The following CDK14 variants were observed in gnomAD, a reference collection of about 807,000 sequenced individuals.
The protein encoded by CDK14 is cyclin dependent kinase 14, also known as cyclin-dependent kinase 14.
In CDK14, 34 loss-of-function variants were observed where a neutral mutation model predicts 60.7. The observed-to-expected ratio is 0.56, with a 90% CI of 0.43 to 0.75. CDK14 has a LOEUF of 0.75. Among genes scored for constraint, CDK14 ranks in the 30% least tolerant of loss-of-function variants. The pLI is 0.00. For synonymous variants in CDK14, 197 were observed against 203.7 expected (o/e 0.97, Z 0.28); for missense variants, 482 against 564.1 (o/e 0.85, Z 1.47).
chr7:90,831,700 T>C (rs376245090), intron 5 of CDK14, among the ~76,000 whole-genome samples: 18 of 139,786 alleles, frequency 1.3e-4, no homozygotes, highest in Middle Eastern at 3.7e-3. Flanking sequence ...GTTTTTTTTT[T>C]CCCCCACCCT....
At position 90,740,068 on chromosome 7, in the gene CDK14, T is replaced by G. The variant is rs572347472; in HGVS notation, c.370-7613T>G. Among the ~76,000 whole-genome samples, 31 of 152,166 alleles carry G rather than the reference T, an allele frequency of 2.0e-4. 1 individual carries two copies. The highest frequency in any genetic ancestry group is 1.9e-3 in the South Asian group (9 of 4,830). ...AAAGAAATAGGTGGTCCTAAGTGAA[T>G]GTAATGCCTAAAGAGCTCATCATTG... On this transcript the variant is annotated intron_variant, in intron 3 of 14. Coordinates refer to ENST00000380050, the MANE Select transcript of CDK14 (RefSeq NM_001287135.2).
intron 11 of CDK14, among the ~76,000 whole-genome samples, chr7:91,076,242 C>CAAAAAAAAAAAAAAAAAAAAA (rs564729987): frequency 3.5e-5 from 1 of 28,800 alleles, no homozygotes; most frequent in Non-Finnish European, 6.9e-5. Context: ...CTACAGTAAC[C>CAAAAAAAAAAAAAAAAAAAAA]AAAAAAAAAA....
intron 2 of CDK14, among the ~76,000 whole-genome samples, chr7:90,637,963 C>CT (rs1183791590): frequency 2.1e-5 from 3 of 141,520 alleles, no homozygotes; most frequent in Non-Finnish European, 3.0e-5. Context: ...CAACCCCTGC[C>CT]TTTTTTTGTT....
intron 2 of CDK14, chr7:90,716,463 A>G (rs1165171252): frequency 1.3e-5 from 2 of 152,092 alleles, no homozygotes; most frequent in East Asian, 3.9e-4. Flanking sequence ...AATTGTTTTT[A>G]TAGATATGAT....
intron 12 of CDK14, among the ~76,000 whole-genome samples, chr7:91,097,999 G>T (rs983627040): frequency 1.2e-4 from 18 of 152,198 alleles, no homozygotes; most frequent in Non-Finnish European, 2.4e-4. Flanking sequence ...AAGGCAGATA[G>T]GAAACTCCTT....
chr7:90,653,121 T>A (rs558969988), intron 2 of CDK14, among the ~76,000 whole-genome samples: 1 of 152,132 alleles, frequency 6.6e-6, no homozygotes, highest in East Asian at 1.9e-4. Context: ...GTGTATATAA[T>A]TTTGGCTGTA....
intron 5 of CDK14, among the ~76,000 whole-genome samples, chr7:90,809,526 T>C (rs574359715): frequency 1.3e-5 from 2 of 151,672 alleles, no homozygotes; most frequent in Admixed American, 1.3e-4. Flanking sequence ...GCAGGAAAGA[T>C]CTAAAATTGA....
At chr7:90,926,284 A>G (rs1793412834) in intron 8 of CDK14, among the ~76,000 whole-genome samples, 1 of 152,088 alleles carries the variant, frequency 6.6e-6, no homozygotes, top group African/African-American at 2.4e-5. Context: ...CCAGAATACT[A>G]GATGTCACTC....
rs114301890 is a variant in CDK14 at position 91,055,752 on chromosome 7, A to G, written c.1105+9792A>G. On this transcript the variant is annotated intron_variant, in intron 11 of 14. Transcript: ENST00000380050. The stretch of plus-strand genomic sequence containing the variant: ...ATTTGTATAATTTGGTTAAAGTCAT[A>G]TTGAAGAAAAGAATTTAACTTTTAG... Among the ~76,000 whole-genome samples the G allele has an allele frequency of 8.4e-3, 1,283 of 152,338 alleles. 18 individuals are homozygous for G. The highest frequency in any genetic ancestry group is 0.029 in the African/African-American group (1,221 of 41,574).
chr7:91,017,412 C>A (rs1274599404), intron 10 of CDK14, among the ~76,000 whole-genome samples: 1 of 152,156 alleles, frequency 6.6e-6, no homozygotes, highest in Non-Finnish European at 1.5e-5. Context: ...ATTAAATACT[C>A]TCAAATATTG....
At chr7:90,835,109 G>A (rs1368561206) in intron 5 of CDK14, among the ~76,000 whole-genome samples, 1 of 152,086 alleles carries the variant, frequency 6.6e-6, no homozygotes, top group Non-Finnish European at 1.5e-5. Flanking sequence ...AGAAGATAAA[G>A]GCATTGAAAA....
At chr7:91,133,762 A>G (rs895433413) in intron 14 of CDK14, among the ~76,000 whole-genome samples, 1 of 152,156 alleles carries the variant, frequency 6.6e-6, no homozygotes, top group African/African-American at 2.4e-5. Context: ...GGCTCTCACT[A>G]TATTCCAACC....
intron 5 of CDK14, among the ~76,000 whole-genome samples, chr7:90,795,075 G>A (rs1806002310): frequency 6.6e-6 from 1 of 152,022 alleles, no homozygotes; most frequent in Non-Finnish European, 1.5e-5. Flanking sequence ...TGAAAAATCT[G>A]TTTATATTTA....
intron 2 of CDK14, among the ~76,000 whole-genome samples, chr7:90,678,695 A>G (rs1393302218): frequency 1.3e-5 from 2 of 152,130 alleles, no homozygotes; most frequent in Non-Finnish European, 2.9e-5. Context: ...ACAAGAGCAG[A>G]GTGTAGGGTA....
intron 9 of CDK14, among the ~76,000 whole-genome samples, chr7:90,965,267 A>G (rs1794717891): frequency 6.6e-6 from 1 of 152,068 alleles, no homozygotes; most frequent in Non-Finnish European, 1.5e-5. Context: ...CCTGTGTCTT[A>G]CTTCGCTGAC....
intron 11 of CDK14, among the ~76,000 whole-genome samples, chr7:91,057,780 C>T (rs1307044353): frequency 6.6e-6 from 1 of 152,114 alleles, no homozygotes; most frequent in Non-Finnish European, 1.5e-5. Flanking sequence ...TGTTTTGGTA[C>T]CAATACCATG....
chr7:90,914,633 T>A (rs1793014473), intron 7 of CDK14, among the ~76,000 whole-genome samples: 1 of 152,200 alleles, frequency 6.6e-6, no homozygotes, highest in South Asian at 2.1e-4. Context: ...AGAATTTTAG[T>A]GTATAGTGGC....
At chr7:91,042,117 A>G (rs1797109175) in intron 10 of CDK14, among the ~76,000 whole-genome samples, 1 of 152,212 alleles carries the variant, frequency 6.6e-6, no homozygotes. Context: ...TACTGAAGCT[A>G]CAAATAGAGG....
intron 14 of CDK14, among the ~76,000 whole-genome samples, chr7:91,157,606 T>G (rs1801020420): frequency 6.6e-6 from 1 of 152,158 alleles, no homozygotes; most frequent in Admixed American, 6.6e-5. Context: ...CTCTGACAGG[T>G]ATTAACTTTG....
Sources: allele counts gnomAD v4.1 joint callset (sites outside exome capture counted in the v4.1 genomes callset), GRCh38; gene constraint gnomAD v4.1.1; transcripts MANE v1.5; gene names NCBI Gene and HGNC (gene_info 2026-07-23, HGNC 2026-07-21).